The following IMMP2L variants were observed in gnomAD, a reference collection of about 807,000 sequenced individuals.
The protein encoded by IMMP2L is mitochondrial inner membrane protease subunit 2.
Under a neutral mutation model 19.3 loss-of-function variants are expected in IMMP2L, and 18 were observed. The observed-to-expected ratio is 0.93, with a 90% CI of 0.64 to 1.38. The LOEUF (loss-of-function observed/expected upper bound fraction) is 1.38. Among genes scored for constraint, IMMP2L ranks in the 40% most tolerant of loss-of-function variants. The pLI is 0.00. For missense variants in IMMP2L, 233 were observed against 218.2 expected, an observed-to-expected ratio of 1.07 and a Z score of -0.43; for synonymous variants, 76 against 73.0, an observed-to-expected ratio of 1.04 and a Z score of -0.21.
At chr7:111,379,958 A>G (rs946462510) in intron 3 of IMMP2L, among the ~76,000 whole-genome samples, 8 of 151,962 alleles carry the variant, frequency 5.3e-5, no homozygotes, top group Admixed American at 3.9e-4. Context: ...TCCATAGCCA[A>G]TTCAGTATTA....
chr7:110,950,076 C>G (rs867006308), intron 4 of IMMP2L, among the ~76,000 whole-genome samples: 4 of 152,132 alleles, frequency 2.6e-5, no homozygotes, highest in Non-Finnish European at 4.4e-5. Flanking sequence ...ACGTTTCTTT[C>G]TAGACGTTGC....
At chr7:111,425,502 T>G (rs1325923223) in intron 3 of IMMP2L, among the ~76,000 whole-genome samples, 1 of 151,048 alleles carries the variant, frequency 6.6e-6, no homozygotes, top group Non-Finnish European at 1.5e-5. Flanking sequence ...ATAGTTTACT[T>G]TGAAATGCAT....
chr7:110,759,970 T>C (rs1302581849), intron 5 of IMMP2L, among the ~76,000 whole-genome samples: 1 of 152,128 alleles, frequency 6.6e-6, no homozygotes, highest in Non-Finnish European at 1.5e-5. Context: ...TTAAGCTTTT[T>C]AACAGACAAT....
At chr7:110,865,675 C>A (rs960821905) in intron 5 of IMMP2L, among the ~76,000 whole-genome samples, 1 of 151,908 alleles carries the variant, frequency 6.6e-6, no homozygotes, top group Non-Finnish European at 1.5e-5. Flanking sequence ...GTAGGCAGCA[C>A]CGATGAACCC....
Position 111,463,774 on chromosome 7 carries a change from G to A in IMMP2L, c.239+23464C>T, listed in dbSNP as rs554055722. On this transcript the variant is annotated intron_variant, in intron 3 of 5. Coordinates refer to ENST00000405709, the MANE Select transcript of IMMP2L (RefSeq NM_032549.4). Reference sequence around the variant, plus strand: ...CTACCACCCATCCCTCTATAATGAAGTCCATTCATTAAACTCTCTTCATTG... The same window carrying A: ...CTACCACCCATCCCTCTATAATGAAATCCATTCATTAAACTCTCTTCATTG... 2.6e-5 allele frequency among the ~76,000 whole-genome samples: 4 copies of A among 152,206 alleles called. No homozygotes were observed. In the East Asian group the frequency reaches 5.8e-4, roughly 22 times the overall value.
intron 3 of IMMP2L, among the ~76,000 whole-genome samples, chr7:111,221,941 C>T (rs1812563126): frequency 6.6e-6 from 1 of 151,918 alleles, no homozygotes; most frequent in Admixed American, 6.6e-5. Flanking sequence ...AGATCCATGC[C>T]AGCATGGACA....
chr7:110,983,246 T>A (rs927764720), intron 3 of IMMP2L, among the ~76,000 whole-genome samples: 9 of 152,136 alleles, frequency 5.9e-5, no homozygotes, highest in Admixed American at 3.9e-4. Flanking sequence ...AATTATTAGA[T>A]CCTAGACTTC....
chr7:111,524,487 T>G (rs1387300827), intron 1 of IMMP2L, among the ~76,000 whole-genome samples: 3 of 152,116 alleles, frequency 2.0e-5, no homozygotes, highest in Non-Finnish European at 4.4e-5. Flanking sequence ...AGATAATAAT[T>G]CCAGGGTAGT....
intron 2 of IMMP2L, among the ~76,000 whole-genome samples, chr7:111,517,861 T>C (rs576258036): frequency 2.5e-4 from 38 of 152,246 alleles, no homozygotes; most frequent in African/African-American, 9.1e-4. Context: ...ATGAGGGGAA[T>C]AGGTCAGTAT....
chr7:111,153,782 G>A (rs1804332517), intron 3 of IMMP2L, among the ~76,000 whole-genome samples: 1 of 151,954 alleles, frequency 6.6e-6, no homozygotes, highest in South Asian at 2.1e-4. Context: ...CCAAGTCTGG[G>A]ACACTATAAA....
In IMMP2L at chr7:111,421,300, C is replaced by T. The variant is rs1393041801; in HGVS notation, c.239+65938G>A. Among the ~76,000 whole-genome samples the T allele has an allele frequency of 1.4e-4, 18 of 131,438 alleles. No individual in the cohort carries two copies. In the Admixed American group the frequency reaches 1.4e-3, roughly 10 times the overall value. The allele number at this position is 131,438 out of a possible 152,430, so 86.2% of individuals were successfully genotyped here. A position where few individuals can be genotyped will look rare whatever the true frequency, so the allele number is the denominator to read the frequency against. On this transcript the variant is annotated intron_variant, in intron 3 of 5. Coordinates refer to ENST00000405709, the MANE Select transcript of IMMP2L (RefSeq NM_032549.4). Reference sequence around the variant, plus strand: ...TTTTTTTTTTTTTGAGACGGAGTCTCGCTCTGTGGCCCAGGTGGGAGTGCA... The same window carrying T: ...TTTTTTTTTTTTTGAGACGGAGTCTTGCTCTGTGGCCCAGGTGGGAGTGCA...
chr7:110,867,698 A>C (rs989594229), intron 5 of IMMP2L, among the ~76,000 whole-genome samples: 3 of 151,966 alleles, frequency 2.0e-5, no homozygotes, highest in African/African-American at 7.2e-5. Context: ...GTTGAACAGC[A>C]GCACCATTCC....
chr7:111,144,811 C>T (rs916710686), intron 3 of IMMP2L, among the ~76,000 whole-genome samples: 1 of 152,084 alleles, frequency 6.6e-6, no homozygotes, highest in African/African-American at 2.4e-5. Context: ...TCGAGCAACA[C>T]ACAGGCCCTA....
At chr7:111,546,893 T>A (rs1848977793) in intron 1 of IMMP2L, among the ~76,000 whole-genome samples, 1 of 152,152 alleles carries the variant, frequency 6.6e-6, no homozygotes, top group Admixed American at 6.6e-5. Context: ...GATCCAAATT[T>A]TAAAAATGAA....
intron 3 of IMMP2L, chr7:111,125,105 G>T: frequency 2.2e-6 from 1 of 460,986 alleles, no homozygotes; most frequent in Non-Finnish European, 3.9e-6. Context: ...TGGCTTCAAG[G>T]GGTACTGTGG....
At chr7:111,290,794 TTC>T (rs922999089) in intron 3 of IMMP2L, among the ~76,000 whole-genome samples, 32 of 137,662 alleles carry the variant, frequency 2.3e-4, no homozygotes, top group Middle Eastern at 3.8e-3. Context: ...CTGTCTCTCT[TTC>T]TCTCTCTCTC....
chr7:110,743,075 A>C (rs1797097405), intron 5 of IMMP2L, among the ~76,000 whole-genome samples: 1 of 152,236 alleles, frequency 6.6e-6, no homozygotes, highest in Non-Finnish European at 1.5e-5. Context: ...CATTCATATA[A>C]TTAGAACTCA....
chr7:110,955,443 C>G (rs1192271208), intron 4 of IMMP2L, among the ~76,000 whole-genome samples: 1 of 151,744 alleles, frequency 6.6e-6, no homozygotes, highest in Non-Finnish European at 1.5e-5. Flanking sequence ...ACAACTAAAC[C>G]CTTGTACAGA....
chr7:111,370,870 A>G lies in IMMP2L; in HGVS notation c.239+116368T>C, dbSNP rs748633004. ...CTGCACATGGTGAGAAAATATTAAC[A>G]CAAAAACCTATTATCTCACTTCTTT... On this transcript the variant is annotated intron_variant, in intron 3 of 5. Coordinates refer to ENST00000405709, the MANE Select transcript of IMMP2L (RefSeq NM_032549.4). 3.4e-4 allele frequency among the ~76,000 whole-genome samples: 52 copies of G among 152,004 alleles called. 1 individual carries two copies. Among genetic ancestry groups the G allele is most frequent in the Non-Finnish European group, 5.9e-4 (40 of 67,968 alleles).
Sources: gnomAD v4.1 joint callset for allele counts (sites outside exome capture counted in the v4.1 genomes callset) on GRCh38, gnomAD v4.1.1 for gene constraint, MANE v1.5 for transcripts, NCBI Gene and HGNC (gene_info 2026-07-23, HGNC 2026-07-21) for gene names.